IPO8: variants seen among roughly 807,000 people sequenced by gnomAD.
IPO8 encodes the protein importin 8, also known as importin-8.
In IPO8, 65 loss-of-function variants were observed where a neutral mutation model predicts 141.2. That is an observed-to-expected ratio of 0.46 (90% confidence interval 0.38 to 0.57). The LOEUF (loss-of-function observed/expected upper bound fraction) is 0.57. IPO8 is among the 20% of genes least tolerant of loss of function. The pLI, the probability that IPO8 is intolerant of heterozygous loss-of-function variation, is 0.00. For missense variants in IPO8, 980 were observed against 1,246.8 expected (o/e 0.79, Z 3.22); for synonymous variants, 411 against 420.3 (o/e 0.98, Z 0.27).
chr12:30,678,236 T>C (rs554917121), intron 5 of IPO8, among the ~76,000 whole-genome samples: 11 of 152,204 alleles, frequency 7.2e-5, no homozygotes, highest in Admixed American at 1.3e-4. Context: ...GTAGCCTAAA[T>C]GTTCAACATT....
chr12:30,671,137 T>A, intron 8 of IPO8, 41 bp from the exon 9 acceptor site: 1 of 1,437,608 alleles, frequency 7.0e-7, no homozygotes, highest in South Asian at 1.2e-5. Context: ...TAAACAATTA[T>A]AAGGTTAAAA....
intron 2 of IPO8, among the ~76,000 whole-genome samples, chr12:30,688,200 G>A (rs1037438815): frequency 5.9e-5 from 9 of 151,976 alleles, no homozygotes; most frequent in African/African-American, 9.7e-5. Flanking sequence ...TTCCTTCACC[G>A]CACATGATAA....
At chr12:30,683,630 A>G (rs1391532099) in intron 3 of IPO8, among the ~76,000 whole-genome samples, 1 of 152,216 alleles carries the variant, frequency 6.6e-6, no homozygotes. Context: ...AAATGAATCA[A>G]AAGTAAATAG....
intron 14 of IPO8, among the ~76,000 whole-genome samples, chr12:30,662,879 C>T (rs536806242): frequency 6.6e-6 from 1 of 152,256 alleles, no homozygotes; most frequent in South Asian, 2.1e-4. Context: ...GGGCCCCTTC[C>T]CTGCCCCAGG....
chr12:30,631,986 C>G lies in IPO8; in HGVS notation c.2925G>C (p.Trp975Cys). The G allele has an allele frequency of 6.2e-7, 1 of 1,612,746 alleles. No individual in the cohort carries two copies. Among genetic ancestry groups the G allele is most frequent in the Non-Finnish European group, 8.5e-7 (1 of 1,179,860 alleles). Residue 975 changes from tryptophan to cysteine, a missense_variant, in exon 24 of 25, where the codon TGG becomes TGC. Trp to Cys is a radical substitution (Grantham distance 215, BLOSUM62 -2). Coordinates refer to ENST00000256079, the MANE Select transcript of IPO8 (RefSeq NM_006390.4). ...LITVQSRDAA[W>C]YQLLMAPLSE... The stretch of plus-strand genomic sequence containing the variant: ...TGAGTGGTGCCATCAGCAGCTGGTA[C>G]CAGGCTGCATCTCGACTCTGCACAG...
intron 5 of IPO8, 161 bp from the exon 6 acceptor site, chr12:30,676,748 C>A: frequency 2.7e-6 from 2 of 746,812 alleles, no homozygotes; most frequent in East Asian, 2.7e-5. Context: ...ATTCATACGA[C>A]CATATAGAAC....
At chr12:30,652,872 C>A in intron 18 of IPO8, 95 bp downstream of exon 18, 1 of 1,151,970 alleles carries the variant, frequency 8.7e-7, no homozygotes, top group Non-Finnish European at 1.2e-6. Context: ...ATTTTCTGAT[C>A]AATATTGGAA....
At chr12:30,648,301 A>T (rs2052676168) in intron 20 of IPO8, among the ~76,000 whole-genome samples, 1 of 152,218 alleles carries the variant, frequency 6.6e-6, no homozygotes, top group South Asian at 2.1e-4. Context: ...AACCTATGAC[A>T]AGTGAAAGAA....
At chr12:30,671,674 C>CAAAAAAAAAAA (rs71052423) in intron 8 of IPO8, among the ~76,000 whole-genome samples, 2 of 56,476 alleles carry the variant, frequency 3.5e-5, no homozygotes, top group African/African-American at 1.5e-4. Context: ...GACTCTGCCT[C>CAAAAAAAAAAA]AAAAAAAAAA....
Position 30,653,030 on chromosome 12 carries a change from T to C in IPO8, c.2011A>G (p.Met671Val), listed in dbSNP as rs751644575. The C allele has an allele frequency of 1.2e-6, 2 of 1,611,082 alleles. No homozygotes were observed. The highest frequency in any genetic ancestry group is 3.3e-5 in the Admixed American group (2 of 59,888). The change falls in exon 18 of 25, where the codon ATG becomes GTG. Residue 671 changes from methionine to valine, a missense_variant. Coordinates refer to ENST00000256079, the MANE Select transcript of IPO8 (RefSeq NM_006390.4). ...TATAGTATACCTAGAAGCTGCCACA[T>C]TTGAGGGGAAATACTGTGGCAGGTT... ...SLTCHSISPQ[M>V]WQLLGILYEV...
intron 20 of IPO8, among the ~76,000 whole-genome samples, chr12:30,642,434 A>C (rs1461070452): frequency 6.6e-6 from 1 of 152,068 alleles, no homozygotes; most frequent in Non-Finnish European, 1.5e-5. Context: ...CCAAATCTAA[A>C]ATTAAAAAAA....
At chr12:30,637,243 A>ATTC in intron 21 of IPO8, 56 bp from the exon 22 acceptor site, 1 of 1,307,944 alleles carries the variant, frequency 7.6e-7, no homozygotes, top group Non-Finnish European at 1.1e-6. Context: ...TAAAGAACAA[A>ATTC]TTCTGGAGAA....
chr12:30,687,158 T>A (rs2053250095), intron 2 of IPO8, among the ~76,000 whole-genome samples: 1 of 152,138 alleles, frequency 6.6e-6, no homozygotes. Context: ...ATAAAGGAAA[T>A]ATTAAATTTA....
intron 8 of IPO8, among the ~76,000 whole-genome samples, chr12:30,672,910 C>G (rs953430139): frequency 6.6e-6 from 1 of 152,046 alleles, no homozygotes; most frequent in Non-Finnish European, 1.5e-5. Context: ...CTCAAGACAA[C>G]AGGTTCTAAG....
At chr12:30,664,868 T>C (rs1341688006) in intron 13 of IPO8, among the ~76,000 whole-genome samples, 1 of 152,156 alleles carries the variant, frequency 6.6e-6, no homozygotes, top group East Asian at 1.9e-4. Flanking sequence ...GCCTCCCTAG[T>C]AGCTGGGATA....
chr12:30,665,639 C>T lies in IPO8; in HGVS notation c.1338+90G>A, dbSNP rs2052952180. 6.4e-6 allele frequency: 5 copies of T among 783,776 alleles called. No homozygotes were observed. In the East Asian group the frequency reaches 1.3e-4, roughly 20 times the overall value. 48.6% of individuals were successfully genotyped at this position (783,776 alleles called of 1,614,324 possible). ...GAACTCAATTATCCAGAGGTAGTCA[C>T]CAGCTTTAAATTAGCCATAACTTTC... On this transcript the variant is annotated intron_variant, in intron 12 of 24. Coordinates refer to ENST00000256079, the MANE Select transcript of IPO8 (RefSeq NM_006390.4).
intron 2 of IPO8, among the ~76,000 whole-genome samples, chr12:30,690,185 C>T (rs2053278319): frequency 6.6e-6 from 1 of 152,034 alleles, no homozygotes; most frequent in South Asian, 2.1e-4. Context: ...GGCTAGGCTA[C>T]CAGAAATCAT....
chr12:30,654,632 A>T (rs1282636804), intron 17 of IPO8, among the ~76,000 whole-genome samples: 1 of 152,102 alleles, frequency 6.6e-6, no homozygotes, highest in African/African-American at 2.4e-5. Flanking sequence ...TTAAATCACT[A>T]ATCATCAGGG....
chr12:30,666,297 C>T, intron 10 of IPO8, 46 bp from the exon 11 acceptor site: 1 of 1,370,850 alleles, frequency 7.3e-7, no homozygotes, highest in Non-Finnish European at 1.0e-6. Context: ...AATATAATTA[C>T]TTATTCTAGA....
Sources: allele counts gnomAD v4.1 joint callset (sites outside exome capture counted in the v4.1 genomes callset), GRCh38; gene constraint gnomAD v4.1.1; transcripts MANE v1.5; gene names NCBI Gene and HGNC (gene_info 2026-07-23, HGNC 2026-07-21).